The following CDK17 variants were observed in gnomAD, a reference collection of about 807,000 sequenced individuals.
CDK17 encodes the protein cyclin dependent kinase 17.
In CDK17, 24 loss-of-function variants were observed where a neutral mutation model predicts 77.6. That is an observed-to-expected ratio of 0.31 (90% CI 0.22 to 0.44). The LOEUF (loss-of-function observed/expected upper bound fraction) is 0.44, where lower values mean the gene tolerates loss of function less well. CDK17 is among the 20% of genes least tolerant of loss of function. The probability of loss-of-function intolerance (pLI) is 1.00; values close to 1 mark genes in which losing one functional copy is unlikely to be tolerated. For synonymous variants in CDK17, 203 were observed against 210.4 expected (o/e 0.96, Z 0.30); for missense variants, 429 against 622.5 (o/e 0.69, Z 3.31).
At position 96,286,650 on chromosome 12, in the gene CDK17, A is replaced by C. The variant is rs1238153755; in HGVS notation, c.1216+14T>G. 6.3e-7 allele frequency: 1 copy of C among 1,594,742 alleles called. No homozygotes were observed. The highest frequency in any genetic ancestry group is 1.1e-5 in the South Asian group (1 of 90,512). Reference sequence around the variant, plus strand: ...ATGGGTGCAAAATCACTGGGAAAAGATTTCTTCTGTTACCTAGCAGTCGGA... The same window carrying C: ...ATGGGTGCAAAATCACTGGGAAAAGCTTTCTTCTGTTACCTAGCAGTCGGA... On this transcript the variant is annotated intron_variant, in intron 12 of 16. Coordinates refer to ENST00000261211, the MANE Select transcript of CDK17 (RefSeq NM_002595.5).
At chr12:96,351,784 C>T (rs1334533927) in intron 1 of CDK17, among the ~76,000 whole-genome samples, 2 of 152,110 alleles carry the variant, frequency 1.3e-5, no homozygotes, top group Non-Finnish European at 2.9e-5. Flanking sequence ...TGGAGCTTTA[C>T]TGAAATAATT....
chr12:96,386,785 A>C (rs1953983658), intron 1 of CDK17: 1 of 152,902 alleles, frequency 6.5e-6, no homozygotes, highest in South Asian at 2.1e-4. Flanking sequence ...CCTATACAGA[A>C]AATATCTCAA....
At position 96,371,161 on chromosome 12, in the gene CDK17, T is replaced by G. The variant is rs143025507; in HGVS notation, c.-30+28825A>C. 4.5e-3 allele frequency among the ~76,000 whole-genome samples: 668 copies of G among 150,022 alleles called. 13 individuals are homozygous for G. Among genetic ancestry groups the G allele is most frequent in the African/African-American group, 0.016 (637 of 40,962 alleles). On this transcript the variant is annotated intron_variant, in intron 1 of 16. Transcript: ENST00000261211. The stretch of plus-strand genomic sequence containing the variant: ...ATCCCCCCCTTAAAACACTGTTGTA[T>G]CAAGCCAGATTATTTCTCATTGTGT...
At chr12:96,333,617 T>C (rs1953001187) in intron 2 of CDK17, among the ~76,000 whole-genome samples, 1 of 146,812 alleles carries the variant, frequency 6.8e-6, no homozygotes, top group South Asian at 2.1e-4. Flanking sequence ...GAGGTTGCAG[T>C]GAGCCAACAT....
At chr12:96,381,851 G>A (rs1953889011) in intron 1 of CDK17, among the ~76,000 whole-genome samples, 3 of 152,164 alleles carry the variant, frequency 2.0e-5, no homozygotes, top group South Asian at 4.1e-4. Context: ...TCAGGGAGCA[G>A]TCAAAGTCTC....
intron 1 of CDK17, among the ~76,000 whole-genome samples, chr12:96,338,003 A>C (rs1311130314): frequency 6.6e-6 from 1 of 152,208 alleles, no homozygotes; most frequent in African/African-American, 2.4e-5. Flanking sequence ...TAATCTATAT[A>C]AACAATATGA....
Position 96,300,358 on chromosome 12 carries a change from T to G in CDK17, c.546A>C (p.Ser182=). The change falls in exon 6 of 17, where the codon TCA becomes TCC. Residue 182 remains serine, a splice_region_variant and synonymous_variant. Transcript: ENST00000261211. ...TTTCCATTTTTCCAAAGCCAATTTC[T>G]GACTGAAAAGTAAACAATGAAAAAT... ...MSRRSRRASL[S]EIGFGKMETY... The G allele has an allele frequency of 1.3e-6, 2 of 1,579,618 alleles. No homozygotes were observed. Among genetic ancestry groups the G allele is most frequent in the South Asian group, 2.3e-5 (2 of 87,254 alleles).
intron 1 of CDK17, among the ~76,000 whole-genome samples, chr12:96,365,083 TAAAG>T (rs1457431093): frequency 5.3e-5 from 8 of 152,206 alleles, no homozygotes; most frequent in Non-Finnish European, 2.9e-5. Context: ...CCATAAAAAT[TAAAG>T]AGTTTTAAAT....
intron 10 of CDK17, among the ~76,000 whole-genome samples, chr12:96,291,628 CTTTTTTT>C (rs1164677307): frequency 4.2e-5 from 5 of 117,776 alleles, no homozygotes; most frequent in Non-Finnish European, 8.9e-5. Flanking sequence ...ATTCCTTTTG[CTTTTTTT>C]TTTTTTTTTT....
chr12:96,364,034 G>C (rs1953543407), intron 1 of CDK17, among the ~76,000 whole-genome samples: 1 of 152,074 alleles, frequency 6.6e-6, no homozygotes, highest in Non-Finnish European at 1.5e-5. Flanking sequence ...TCTTATACAC[G>C]TAACTTCTTT....
At chr12:96,380,445 C>T (rs773963095) in intron 1 of CDK17, among the ~76,000 whole-genome samples, 1 of 151,944 alleles carries the variant, frequency 6.6e-6, no homozygotes, top group Non-Finnish European at 1.5e-5. Flanking sequence ...TCCACCACCA[C>T]GCCCGGCTAA....
intron 10 of CDK17, among the ~76,000 whole-genome samples, chr12:96,290,866 G>C (rs1456867024): frequency 3.3e-5 from 5 of 152,240 alleles, no homozygotes; most frequent in African/African-American, 1.2e-4. Flanking sequence ...TTCACAATTA[G>C]AATTTCAATA....
At chr12:96,344,115 A>C (rs963111381) in intron 1 of CDK17, among the ~76,000 whole-genome samples, 3 of 152,204 alleles carry the variant, frequency 2.0e-5, no homozygotes, top group Admixed American at 1.3e-4. Flanking sequence ...TGATTAGCAA[A>C]TTTGAAGACA....
At chr12:96,280,559 A>T in intron 16 of CDK17, 1 of 1,411,236 alleles carries the variant, frequency 7.1e-7, no homozygotes, top group East Asian at 2.6e-5. Context: ...CACTTGTAAA[A>T]GGTCTTTGTG....
chr12:96,353,614 G>GC (rs1555204870), intron 1 of CDK17, among the ~76,000 whole-genome samples: 5 of 148,218 alleles, frequency 3.4e-5, no homozygotes, highest in Non-Finnish European at 7.5e-5. Flanking sequence ...GCGGGGGGGG[G>GC]CGCGGGTACA....
chr12:96,353,468 G>A (rs1252720361), intron 1 of CDK17, among the ~76,000 whole-genome samples: 1 of 152,036 alleles, frequency 6.6e-6, no homozygotes, highest in Middle Eastern at 3.2e-3. Flanking sequence ...ATTCTTAAGT[G>A]AAACTGTTTC....
At chr12:96,359,799 C>T (rs1468516829) in intron 1 of CDK17, among the ~76,000 whole-genome samples, 2 of 151,770 alleles carry the variant, frequency 1.3e-5, no homozygotes, top group African/African-American at 4.8e-5. Flanking sequence ...AACCAAATCC[C>T]CATCAAAATT....
intron 1 of CDK17, among the ~76,000 whole-genome samples, chr12:96,397,567 A>T (rs1954191944): frequency 6.6e-6 from 1 of 152,200 alleles, no homozygotes; most frequent in Non-Finnish European, 1.5e-5. Context: ...CGATATTAAC[A>T]AGACTTTAAT....
At chr12:96,316,707 C>A (rs1952727931) in intron 3 of CDK17, among the ~76,000 whole-genome samples, 1 of 125,976 alleles carries the variant, frequency 7.9e-6, no homozygotes. Flanking sequence ...ACTGACACCT[C>A]ACACGGCAGG....
Sources: allele counts gnomAD v4.1 joint callset (sites outside exome capture counted in the v4.1 genomes callset), GRCh38; gene constraint gnomAD v4.1.1; transcripts MANE v1.5; gene names NCBI Gene and HGNC (gene_info 2026-07-23, HGNC 2026-07-21).